Variants in TBC1D32 observed in about 807,000 individuals in gnomAD.
TBC1D32 encodes protein broad-minded.
In TBC1D32, 151 loss-of-function variants were observed where a neutral mutation model predicts 170.3. The observed-to-expected ratio is 0.89, with a 90% confidence interval of 0.78 to 1.01. The LOEUF is 1.01. Ranked by LOEUF, TBC1D32 falls within the 50% of genes least tolerant of loss-of-function variation. TBC1D32 has a pLI of 0.00. For missense variants in TBC1D32, 1,464 were observed against 1,457.1 expected, an observed-to-expected ratio of 1.00 and a Z score of -0.08; for synonymous variants, 498 against 488.0, an observed-to-expected ratio of 1.02 and a Z score of -0.27.
intron 15 of TBC1D32, 122 bp from the exon 16 acceptor site, chr6:121,256,407 C>T: frequency 1.3e-6 from 1 of 765,176 alleles, no homozygotes; most frequent in Non-Finnish European, 2.1e-6. Flanking sequence ...TCAGACATGT[C>T]AATATTCACG....
intron 9 of TBC1D32, among the ~76,000 whole-genome samples, chr6:121,302,416 C>A (rs1005868356): frequency 1.3e-5 from 2 of 152,044 alleles, no homozygotes; most frequent in African/African-American, 4.8e-5. Context: ...TATACTAGAA[C>A]ACACTTCAGA....
intron 20 of TBC1D32, among the ~76,000 whole-genome samples, chr6:121,227,947 C>A (rs6569184): frequency 0.86 from 130,727 of 152,166 alleles, 56,818 homozygotes; most frequent in Middle Eastern, 0.95. Flanking sequence ...GAGGTTCTTA[C>A]TGACAAATTC....
intron 15 of TBC1D32, among the ~76,000 whole-genome samples, chr6:121,271,396 A>T (rs1801404019): frequency 6.6e-6 from 1 of 152,208 alleles, no homozygotes; most frequent in South Asian, 2.1e-4. Context: ...CCTTAAGCTG[A>T]TAAGCAACTT....
chr6:121,213,740 C>T (rs1259980730), intron 21 of TBC1D32, among the ~76,000 whole-genome samples: 2 of 151,824 alleles, frequency 1.3e-5, no homozygotes, highest in South Asian at 2.1e-4. Context: ...ATAGATTCAA[C>T]GATATTCCTA....
chr6:121,169,357 GCTAT>G (rs1340765421), intron 22 of TBC1D32, among the ~76,000 whole-genome samples: 9 of 152,084 alleles, frequency 5.9e-5, no homozygotes, highest in South Asian at 4.1e-4. Context: ...GGGAGAACTG[GCTAT>G]CTATTTGCAG....
intron 20 of TBC1D32, among the ~76,000 whole-genome samples, chr6:121,226,326 G>C (rs1176156753): frequency 6.6e-6 from 1 of 152,040 alleles, no homozygotes; most frequent in Non-Finnish European, 1.5e-5. Context: ...GGGATATAAG[G>C]ATGACACTCT....
At chr6:121,185,312 CGTTGTGAATGT>C (rs141983589) in intron 22 of TBC1D32, among the ~76,000 whole-genome samples, 5,893 of 152,062 alleles carry the variant, frequency 0.039, 329 homozygotes, top group African/African-American at 0.12. Context: ...CAGAGGTATA[CGTTGTGAATGT>C]GAGTCATATG....
intron 24 of TBC1D32, among the ~76,000 whole-genome samples, chr6:121,144,184 C>A (rs1035992333): frequency 1.3e-5 from 2 of 152,036 alleles, no homozygotes; most frequent in African/African-American, 4.8e-5. Context: ...GGAAAATAAG[C>A]AATCAAATAA....
At chr6:121,215,781 A>G (rs1246914606) in intron 21 of TBC1D32, among the ~76,000 whole-genome samples, 3 of 152,226 alleles carry the variant, frequency 2.0e-5, no homozygotes, top group Non-Finnish European at 4.4e-5. Flanking sequence ...AGAGACATGC[A>G]AATCAAAACC....
At chr6:121,110,749 A>G (rs1327118220) in intron 29 of TBC1D32, among the ~76,000 whole-genome samples, 1 of 152,200 alleles carries the variant, frequency 6.6e-6, no homozygotes, top group Non-Finnish European at 1.5e-5. Flanking sequence ...GACATAGGGG[A>G]AATAGCAATT....
At chr6:121,160,125 T>C in intron 23 of TBC1D32, 22 bp from the exon 24 acceptor site, 1 of 1,445,764 alleles carries the variant, frequency 6.9e-7, no homozygotes, top group East Asian at 2.3e-5. Flanking sequence ...GCAAGACAGA[T>C]GACTTTAGGA....
At chr6:121,216,196 G>A (rs182231665) in intron 21 of TBC1D32, among the ~76,000 whole-genome samples, 190 of 152,258 alleles carry the variant, frequency 1.2e-3, no homozygotes, top group African/African-American at 3.9e-3. Flanking sequence ...AGAAAAACAT[G>A]AAAAGACAAG....
At chr6:121,258,000 C>T (rs972740553) in intron 15 of TBC1D32, among the ~76,000 whole-genome samples, 1 of 152,044 alleles carries the variant, frequency 6.6e-6, no homozygotes. Context: ...AAAGTAGTTG[C>T]TACCATTCCA....
At chr6:121,248,330 A>G (rs2128378161) in intron 17 of TBC1D32, among the ~76,000 whole-genome samples, 1 of 152,240 alleles carries the variant, frequency 6.6e-6, no homozygotes, top group East Asian at 1.9e-4. Context: ...GTTAAAAGGA[A>G]AGTTCATAGC....
At position 121,267,782 on chromosome 6, in the gene TBC1D32, TCCTCCTCAAGTGGGTCCCTC is replaced by T. The variant is rs1800747896; in HGVS notation, c.1733+11319_1733+11338del. Among the ~76,000 whole-genome samples the T allele has an allele frequency of 1.3e-5, 2 of 151,496 alleles. 1 individual carries two copies. The highest frequency in any genetic ancestry group is 4.2e-4 in the South Asian group (2 of 4,812). On this transcript the variant is annotated intron_variant, in intron 15 of 31. Transcript: ENST00000398212. ...GAGAGTAGTGGTTCTCCCTCTCTCC[TCCTCCTCAAGTGGGTCCCTC>T]CCTCCTCAAGTGGGTCCCTGTCTCC...
At chr6:121,282,692 T>C (rs1163640537) in intron 13 of TBC1D32, among the ~76,000 whole-genome samples, 1 of 151,772 alleles carries the variant, frequency 6.6e-6, no homozygotes, top group Non-Finnish European at 1.5e-5. Flanking sequence ...GCCTAATACA[T>C]ACCAGACACT....
intron 15 of TBC1D32, among the ~76,000 whole-genome samples, chr6:121,261,851 T>C (rs1482137979): frequency 3.3e-5 from 5 of 152,160 alleles, no homozygotes; most frequent in Admixed American, 3.3e-4. Context: ...AAGGAGCATG[T>C]TCTAACCCAA....
In TBC1D32 at chr6:121,213,466, T is replaced by TAA. The variant is rs201894524; in HGVS notation, c.2482-8305_2482-8304dup. Among the ~76,000 whole-genome samples, 25 of 24,762 alleles carry TAA rather than the reference T, an allele frequency of 1.0e-3. 2 individuals carry two copies. Among genetic ancestry groups the TAA allele is most frequent in the South Asian group, 2.2e-3 (1 of 458 alleles). The allele number at this position is 24,762 out of a possible 152,430, so 16.2% of individuals were successfully genotyped here. A position where few individuals can be genotyped will look rare whatever the true frequency, so the allele number is the denominator to read the frequency against. ...CTATTCACAACTGCCACAAAAATAATAATAAAATAAAATAAAATAAAATAA... is the reference window on the plus strand; with the variant it reads ...CTATTCACAACTGCCACAAAAATAATAAAATAAAATAAAATAAAATAAAATAA... On this transcript the variant is annotated intron_variant, in intron 21 of 31. Transcript: ENST00000398212.
At chr6:121,173,573 C>G (rs1437388729) in intron 22 of TBC1D32, among the ~76,000 whole-genome samples, 1 of 151,702 alleles carries the variant, frequency 6.6e-6, no homozygotes, top group African/African-American at 2.4e-5. Context: ...ACACAAGACC[C>G]CCAATATGAC....
Sources: gnomAD v4.1 joint callset for allele counts (sites outside exome capture counted in the v4.1 genomes callset) on GRCh38, gnomAD v4.1.1 for gene constraint, MANE v1.5 for transcripts, NCBI Gene and HGNC (gene_info 2026-07-23, HGNC 2026-07-21) for gene names.